ADCY10: variants seen among roughly 807,000 people sequenced by gnomAD.
The protein encoded by ADCY10 is adenylate cyclase type 10.
In ADCY10, 156 loss-of-function variants were observed where a neutral mutation model predicts 183.3. The ratio of observed to expected loss-of-function variants is 0.85; its 90% CI spans 0.75 to 0.97. ADCY10 has a LOEUF of 0.97. Ranked by LOEUF, ADCY10 falls within the 50% of genes least tolerant of loss-of-function variation. The pLI, the probability that ADCY10 is intolerant of heterozygous loss-of-function variation, is 0.00. For missense variants in ADCY10, 1,745 were observed against 1,934.3 expected, an observed-to-expected ratio of 0.90 and a Z score of 1.84; for synonymous variants, 645 against 670.0, an observed-to-expected ratio of 0.96 and a Z score of 0.58.
chr1:167,822,894 A>G (rs1663002372), intron 29 of ADCY10, 114 bp downstream of exon 29: 8 of 889,300 alleles, frequency 9.0e-6, no homozygotes, highest in Non-Finnish European at 1.3e-5. Flanking sequence ...CTGCCCTGTA[A>G]GTCCACCAGC....
intron 13 of ADCY10, among the ~76,000 whole-genome samples, chr1:167,871,883 T>C (rs910530632): frequency 6.6e-6 from 1 of 152,250 alleles, no homozygotes; most frequent in East Asian, 1.9e-4. Flanking sequence ...TGTTTTTCTT[T>C]GGCCTGAATG....
chr1:167,884,799 G>A (rs12093810), intron 8 of ADCY10, among the ~76,000 whole-genome samples: 69,814 of 150,864 alleles, frequency 0.46, 16,538 homozygotes, highest in Middle Eastern at 0.63. Context: ...CTGGGTTCAA[G>A]CGATTCTCCT....
chr1:167,877,353 TG>T, intron 12 of ADCY10, among the ~76,000 whole-genome samples: 1 of 151,784 alleles, frequency 6.6e-6, no homozygotes, highest in South Asian at 2.1e-4. Flanking sequence ...TGCACTTTAT[TG>T]ATGGCCTATG....
intron 19 of ADCY10, among the ~76,000 whole-genome samples, chr1:167,846,661 CT>C (rs1240749621): frequency 6.6e-6 from 1 of 152,186 alleles, no homozygotes; most frequent in African/African-American, 2.4e-5. Flanking sequence ...GTATCTTCTT[CT>C]CTGCCTCCCC....
intron 19 of ADCY10, among the ~76,000 whole-genome samples, chr1:167,847,759 T>C (rs939617995): frequency 5.3e-5 from 8 of 152,202 alleles, no homozygotes; most frequent in Non-Finnish European, 1.0e-4. Flanking sequence ...TTGTCATTTC[T>C]TTCTCATAAA....
chr1:167,827,334 A>ATT (rs35177857), intron 26 of ADCY10, among the ~76,000 whole-genome samples: 70,567 of 132,492 alleles, frequency 0.53, 19,017 homozygotes, highest in African/African-American at 0.56. Flanking sequence ...CGCCCGGCTA[A>ATT]TTTTTTTTTT....
At chr1:167,865,965 T>G (rs992729295) in intron 14 of ADCY10, among the ~76,000 whole-genome samples, 1 of 152,200 alleles carries the variant, frequency 6.6e-6, no homozygotes, top group African/African-American at 2.4e-5. Context: ...CCGAGGGCCA[T>G]CCAGCCTCCG....
intron 1 of ADCY10, among the ~76,000 whole-genome samples, chr1:167,913,172 T>C (rs372395055): frequency 6.6e-6 from 1 of 152,074 alleles, no homozygotes; most frequent in Non-Finnish European, 1.5e-5. Flanking sequence ...GAATGAGAAA[T>C]GAGGATACCT....
intron 8 of ADCY10, among the ~76,000 whole-genome samples, chr1:167,887,698 A>AAAAT (rs936739973): frequency 1.3e-4 from 19 of 151,986 alleles, no homozygotes; most frequent in Admixed American, 5.9e-4. Flanking sequence ...AAGTATAATA[A>AAAAT]AAATAAATAA....
intron 21 of ADCY10, among the ~76,000 whole-genome samples, chr1:167,844,454 A>G (rs1009315448): frequency 3.9e-5 from 6 of 152,202 alleles, no homozygotes; most frequent in African/African-American, 1.2e-4. Context: ...CGAACTTCCT[A>G]TCTTCTGGCA....
Position 167,859,880 on chromosome 1 carries a change from C to T in ADCY10, c.1823G>A (p.Arg608Gln), listed in dbSNP as rs578025092. The T allele has an allele frequency of 4.3e-5, 70 of 1,610,610 alleles. No homozygotes were observed. The highest frequency in any genetic ancestry group is 1.1e-4 in the South Asian group (10 of 91,004). ...CAAGGTGCTCATCCTGGAAATCTCC[C>T]GAGAAATAGGGAACTGTACAAAGAA... ...DIFHVQFPISREISRMSTLKK... is the reference protein window; with the variant it reads ...DIFHVQFPISQEISRMSTLKK... Residue 608 changes from arginine to glutamine, a missense_variant, in exon 16 of 33, where the codon CGG becomes CAG. By Grantham distance (43) the Arg-to-Gln change is conservative. Coordinates refer to ENST00000367851, the MANE Select transcript of ADCY10 (RefSeq NM_018417.6).
At chr1:167,824,608 T>C in intron 27 of ADCY10, 36 bp from the exon 28 acceptor site, 2 of 1,614,100 alleles carry the variant, frequency 1.2e-6, no homozygotes, top group Non-Finnish European at 1.7e-6. Flanking sequence ...TTGTGGGGCA[T>C]TCCTTGTATC....
chr1:167,825,584 C>A (rs1663222192), intron 26 of ADCY10, among the ~76,000 whole-genome samples: 1 of 151,850 alleles, frequency 6.6e-6, no homozygotes, highest in African/African-American at 2.4e-5. Flanking sequence ...GAGTTTGAGC[C>A]CAGCCTGGGC....
intron 25 of ADCY10, among the ~76,000 whole-genome samples, chr1:167,830,305 C>A (rs953641195): frequency 2.7e-5 from 4 of 147,112 alleles, no homozygotes; most frequent in African/African-American, 1.0e-4. Context: ...GTTTTTTTTT[C>A]TTCTGGGCAT....
intron 30 of ADCY10, among the ~76,000 whole-genome samples, chr1:167,819,469 C>T (rs1662742654): frequency 6.6e-6 from 1 of 152,142 alleles, no homozygotes; most frequent in Non-Finnish European, 1.5e-5. Context: ...GAACTCCTGA[C>T]CTCAGGTGAT....
At chr1:167,886,670 T>C (rs9726955) in intron 8 of ADCY10, among the ~76,000 whole-genome samples, 35,393 of 152,098 alleles carry the variant, frequency 0.23, 4,295 homozygotes, top group African/African-American at 0.29. Context: ...CCAAAAGCAA[T>C]GGCAACAAAA....
intron 19 of ADCY10, among the ~76,000 whole-genome samples, chr1:167,847,564 C>T (rs530690193): frequency 5.9e-4 from 89 of 151,958 alleles, no homozygotes; most frequent in Middle Eastern, 3.4e-3. Flanking sequence ...TACATGCATG[C>T]GCCACCATGC....
chr1:167,827,718 AATT>A (rs199796153), intron 26 of ADCY10, among the ~76,000 whole-genome samples: 5,550 of 120,406 alleles, frequency 0.046, 166 homozygotes, highest in East Asian at 0.17. Context: ...AAAAAAAAAA[AATT>A]TTTTTTTTTG....
chr1:167,898,204 G>A (rs988142448), intron 6 of ADCY10, among the ~76,000 whole-genome samples: 16 of 151,612 alleles, frequency 1.1e-4, no homozygotes, highest in Non-Finnish European at 8.8e-5. Flanking sequence ...AACATTAGGG[G>A]AAGGTAGGTG....
Sources: gnomAD v4.1 joint callset for allele counts (sites outside exome capture counted in the v4.1 genomes callset) on GRCh38, gnomAD v4.1.1 for gene constraint, MANE v1.5 for transcripts, NCBI Gene and HGNC (gene_info 2026-07-23, HGNC 2026-07-21) for gene names.